The following ZFAND3 variants were observed in gnomAD, a reference collection of about 807,000 sequenced individuals.
The protein encoded by ZFAND3 is AN1-type zinc finger protein 3.
ZFAND3 carries 10 observed loss-of-function variants against 29.6 expected under a neutral mutation model. The observed-to-expected ratio is 0.34, with a 90% CI of 0.21 to 0.57. ZFAND3 has a LOEUF of 0.57. ZFAND3 is among the 20% of genes least tolerant of loss of function. The probability of loss-of-function intolerance (pLI) is 0.86; values close to 1 mark genes in which losing one functional copy is unlikely to be tolerated. For missense variants in ZFAND3, 230 were observed against 304.5 expected, an observed-to-expected ratio of 0.76 and a Z score of 1.82; for synonymous variants, 128 against 112.6, an observed-to-expected ratio of 1.14 and a Z score of -0.87.
chr6:38,144,208 T>A lies in ZFAND3; in HGVS notation c.530-8027T>A, dbSNP rs1384437147. ...TAATATATATATATATATATATATA[T>A]ATAATATATAATATATATATATATT... On this transcript the variant is annotated intron_variant, in intron 5 of 5. Coordinates refer to ENST00000287218, the MANE Select transcript of ZFAND3 (RefSeq NM_021943.3). Among the ~76,000 whole-genome samples, 2 of 43,476 alleles carry A rather than the reference T, an allele frequency of 4.6e-5. 1 individual carries two copies. The highest frequency in any genetic ancestry group is 6.7e-4 in the East Asian group (2 of 2,976). 28.5% of individuals were successfully genotyped at this position (43,476 alleles called of 152,430 possible). A position where few individuals can be genotyped will look rare whatever the true frequency, so the allele number is the denominator to read the frequency against.
chr6:37,978,245 TA>T (rs1214337471), intron 2 of ZFAND3, among the ~76,000 whole-genome samples: 10 of 152,216 alleles, frequency 6.6e-5, no homozygotes, highest in Non-Finnish European at 1.5e-4. Flanking sequence ...TATAGTGAAT[TA>T]ATTACACTGG....
intron 3 of ZFAND3, among the ~76,000 whole-genome samples, chr6:38,078,529 T>C (rs998218212): frequency 3.9e-5 from 6 of 152,236 alleles, no homozygotes; most frequent in African/African-American, 1.4e-4. Context: ...CTAAAAGTTA[T>C]TTCAGGTTGG....
At chr6:37,883,300 A>G (rs969754443) in intron 1 of ZFAND3, among the ~76,000 whole-genome samples, 37 of 152,222 alleles carry the variant, frequency 2.4e-4, no homozygotes, top group African/African-American at 8.7e-4. Flanking sequence ...ACATAGTACA[A>G]GCAGTGTACA....
intron 2 of ZFAND3, among the ~76,000 whole-genome samples, chr6:38,024,497 C>T (rs938462579): frequency 6.8e-5 from 10 of 147,808 alleles, no homozygotes; most frequent in African/African-American, 2.2e-4. Context: ...AGTACCTAAA[C>T]GTGCATGTTT....
intron 1 of ZFAND3, among the ~76,000 whole-genome samples, chr6:37,905,673 A>G (rs1213139496): frequency 2.0e-5 from 3 of 152,100 alleles, no homozygotes; most frequent in Non-Finnish European, 4.4e-5. Flanking sequence ...CTTAGAAATC[A>G]TTTAGCTTAT....
At chr6:37,915,957 C>T (rs1581758401) in intron 1 of ZFAND3, among the ~76,000 whole-genome samples, 1 of 151,864 alleles carries the variant, frequency 6.6e-6, no homozygotes, top group East Asian at 1.9e-4. Context: ...TTAGTAGAGA[C>T]AGGGTTTCAC....
At chr6:38,137,226 A>G (rs1765859036) in intron 5 of ZFAND3, among the ~76,000 whole-genome samples, 1 of 152,210 alleles carries the variant, frequency 6.6e-6, no homozygotes, top group Admixed American at 6.5e-5. Flanking sequence ...ATAGAAAGGC[A>G]CTGTTAGGAA....
intron 2 of ZFAND3, among the ~76,000 whole-genome samples, chr6:37,958,628 A>G (rs913079800): frequency 2.0e-5 from 3 of 152,118 alleles, no homozygotes; most frequent in African/African-American, 7.2e-5. Context: ...TAGGGAAAAA[A>G]TGGAACTACA....
At chr6:38,011,746 G>A (rs1234826987) in intron 2 of ZFAND3, among the ~76,000 whole-genome samples, 2 of 152,044 alleles carry the variant, frequency 1.3e-5, no homozygotes, top group African/African-American at 4.8e-5. Context: ...TGGTTTTGTA[G>A]TTGTCCAGAA....
At chr6:38,096,634 T>C (rs1176262019) in intron 4 of ZFAND3, among the ~76,000 whole-genome samples, 1 of 152,202 alleles carries the variant, frequency 6.6e-6, no homozygotes, top group Non-Finnish European at 1.5e-5. Context: ...CTATCAACTT[T>C]GTGGGGGTTT....
At chr6:37,841,435 G>C (rs996168525) in intron 1 of ZFAND3, among the ~76,000 whole-genome samples, 2 of 151,936 alleles carry the variant, frequency 1.3e-5, no homozygotes, top group Non-Finnish European at 2.9e-5. Flanking sequence ...CTGTACTTCA[G>C]CATGCATATC....
chr6:38,119,992 C>G (rs1765498360), intron 5 of ZFAND3, among the ~76,000 whole-genome samples: 1 of 152,146 alleles, frequency 6.6e-6, no homozygotes, highest in Admixed American at 6.5e-5. Context: ...AAGTAACACC[C>G]TTTTCCTGTG....
intron 1 of ZFAND3, among the ~76,000 whole-genome samples, chr6:37,820,383 C>T (rs908847684): frequency 6.6e-6 from 1 of 152,202 alleles, no homozygotes; most frequent in Non-Finnish European, 1.5e-5. Flanking sequence ...GAAGCCAGCC[C>T]TTCCTCCCTC....
intron 2 of ZFAND3, among the ~76,000 whole-genome samples, chr6:38,010,096 A>G (rs1341840363): frequency 6.6e-6 from 1 of 152,236 alleles, no homozygotes; most frequent in Non-Finnish European, 1.5e-5. Context: ...TATATTTAAG[A>G]CAGAAACTAA....
chr6:37,825,795 T>C (rs1237682416), intron 1 of ZFAND3, among the ~76,000 whole-genome samples: 1 of 152,142 alleles, frequency 6.6e-6, no homozygotes, highest in Non-Finnish European at 1.5e-5. Flanking sequence ...ATCAGAGAAC[T>C]AAGAAGGCTT....
rs139186331 is a variant in ZFAND3 at position 37,901,668 on chromosome 6, C to A, written c.72-28291C>A. 1.2e-4 allele frequency among the ~76,000 whole-genome samples: 19 copies of A among 152,266 alleles called. No homozygotes were observed. The East Asian group carries it at 1.3e-3, about 11-fold the overall frequency. Reference sequence around the variant, plus strand: ...TGTCTTTCTAATATGGAAATGAAATCATCAATTACTAACTTCCAGTATGTT... The same window carrying A: ...TGTCTTTCTAATATGGAAATGAAATAATCAATTACTAACTTCCAGTATGTT... On this transcript the variant is annotated intron_variant, in intron 1 of 5. Transcript: ENST00000287218.
intron 1 of ZFAND3, among the ~76,000 whole-genome samples, chr6:37,854,815 C>T (rs1374262392): frequency 7.5e-6 from 1 of 134,036 alleles, no homozygotes; most frequent in East Asian, 2.6e-4. Flanking sequence ...AATTGAGTCA[C>T]TTAATTATGG....
At chr6:37,825,551 T>G (rs1763743436) in intron 1 of ZFAND3, among the ~76,000 whole-genome samples, 1 of 152,168 alleles carries the variant, frequency 6.6e-6, no homozygotes, top group African/African-American at 2.4e-5. Context: ...AAACATAGTC[T>G]TCTTTCTATT....
At chr6:38,002,142 G>A (rs1269357304) in intron 2 of ZFAND3, among the ~76,000 whole-genome samples, 1 of 152,070 alleles carries the variant, frequency 6.6e-6, no homozygotes, top group Admixed American at 6.6e-5. Flanking sequence ...AAATATTCAT[G>A]CGTACTAAGC....
Sources: allele counts gnomAD v4.1 joint callset (sites outside exome capture counted in the v4.1 genomes callset), GRCh38; gene constraint gnomAD v4.1.1; transcripts MANE v1.5; gene names NCBI Gene and HGNC (gene_info 2026-07-23, HGNC 2026-07-21).